SVOPL: variants seen among roughly 807,000 people sequenced by gnomAD.
SVOPL encodes SVOP like.
A neutral mutation model predicts 61.0 loss-of-function variants in SVOPL; 60 were observed. The observed-to-expected ratio is 0.98, with a 90% CI of 0.80 to 1.22. The LOEUF is 1.22. Ranked by LOEUF, SVOPL falls within the 50% of genes most tolerant of loss-of-function variation. The pLI is 0.00. For synonymous variants in SVOPL, 279 were observed against 250.0 expected, an observed-to-expected ratio of 1.12 and a Z score of -1.09; for missense variants, 662 against 643.9, an observed-to-expected ratio of 1.03 and a Z score of -0.30.
chr7:138,664,157 GGTGCCCCCTTCTT>G lies in SVOPL; in HGVS notation c.274-1025_274-1013del, dbSNP rs567205218. On this transcript the variant is annotated intron_variant, in intron 4 of 15. Coordinates refer to ENST00000674285, the MANE Select transcript of SVOPL (RefSeq NM_001139456.2). ...TCACTCGCCCCCAACGATCCTCAGT[GGTGCCCCCTTCTT>G]GTGCACCCTACCCTGCCCTCCCCCT... The G allele has an allele frequency of 7.1e-4, 670 of 946,498 alleles. 1 individual carries two copies. The African/African-American group carries it at 0.011, about 16-fold the overall frequency. The allele number at this position is 946,498 out of a possible 1,614,324, so 58.6% of individuals were successfully genotyped here. A position where few individuals can be genotyped will look rare whatever the true frequency, so the allele number is the denominator to read the frequency against.
chr7:138,648,880 C>A, intron 8 of SVOPL, 132 bp downstream of exon 8: 1 of 1,379,472 alleles, frequency 7.2e-7, no homozygotes, highest in South Asian at 1.5e-5. Context: ...CGAGATTGCA[C>A]CTCTGCACTG....
intron 14 of SVOPL, among the ~76,000 whole-genome samples, chr7:138,599,167 A>AAAAAAAAAAAAAAAAAAAAAAAAAAC (rs58372563): frequency 3.3e-5 from 4 of 121,822 alleles, no homozygotes; most frequent in Middle Eastern, 5.6e-3. Context: ...ACCAAAAAAA[A>AAAAAAAAAAAAAAAAAAAAAAAAAAC]AAGAAATACA....
At chr7:138,683,627 C>T (rs1047054106) in intron 1 of SVOPL, among the ~76,000 whole-genome samples, 4 of 152,006 alleles carry the variant, frequency 2.6e-5, no homozygotes, top group African/African-American at 9.7e-5. Context: ...CCTTGGCCTC[C>T]CAAAGTGCTA....
chr7:138,680,350 T>C (rs578149187), intron 1 of SVOPL, among the ~76,000 whole-genome samples: 1 of 152,250 alleles, frequency 6.6e-6, no homozygotes, highest in African/African-American at 2.4e-5. Flanking sequence ...GGTTTTGCCA[T>C]GTTGGCCAGG....
chr7:138,672,513 G>A (rs537618909), intron 3 of SVOPL, among the ~76,000 whole-genome samples: 53 of 152,132 alleles, frequency 3.5e-4, no homozygotes, highest in Non-Finnish European at 6.8e-4. Flanking sequence ...TATGAAGGTT[G>A]CAGAGCACAC....
At chr7:138,628,607 T>C (rs1457792621) in intron 10 of SVOPL, among the ~76,000 whole-genome samples, 2 of 152,176 alleles carry the variant, frequency 1.3e-5, no homozygotes, top group Non-Finnish European at 2.9e-5. Context: ...TTTCCAGCTG[T>C]GATAGATACC....
chr7:138,611,890 A>C (rs1258592353), intron 14 of SVOPL, among the ~76,000 whole-genome samples: 12 of 72,836 alleles, frequency 1.6e-4, no homozygotes, highest in South Asian at 6.0e-4. Flanking sequence ...CCCGTCTGGG[A>C]GGTGTGCCCA....
chr7:138,634,308 C>T (rs946484283), intron 9 of SVOPL, among the ~76,000 whole-genome samples: 2 of 151,828 alleles, frequency 1.3e-5, no homozygotes, highest in Non-Finnish European at 2.9e-5. Context: ...GGATTTGAGA[C>T]CAGCCTGAGC....
chr7:138,670,907 A>G (rs1195348948), intron 4 of SVOPL, among the ~76,000 whole-genome samples: 3 of 152,132 alleles, frequency 2.0e-5, no homozygotes, highest in Non-Finnish European at 4.4e-5. Flanking sequence ...CTAATATATC[A>G]GGAGCCTCTT....
rs1799536865 is a variant in SVOPL at position 138,620,964 on chromosome 7, C to G, written c.1353+82G>C. On this transcript the variant is annotated intron_variant, in intron 14 of 15. Coordinates refer to ENST00000674285, the MANE Select transcript of SVOPL (RefSeq NM_001139456.2). The stretch of plus-strand genomic sequence containing the variant: ...ATGAAGTCAACAGAAATCCTCCGTT[C>G]TGCCTTTAATCTGAAGGTCCCTGGG... 9 of 1,257,614 alleles carry G rather than the reference C, an allele frequency of 7.2e-6. No homozygotes were observed. In the Middle Eastern group the frequency reaches 7.3e-4, roughly 103 times the overall value. The allele number at this position is 1,257,614 out of a possible 1,614,324, so 77.9% of individuals were successfully genotyped here.
At chr7:138,597,219 G>A in intron 14 of SVOPL, 1 of 1,289,416 alleles carries the variant, frequency 7.8e-7, no homozygotes, top group Non-Finnish European at 1.0e-6. Context: ...CGACAGTAAA[G>A]TATGAAGTGG....
chr7:138,667,163 A>C (rs1346943652), intron 4 of SVOPL, among the ~76,000 whole-genome samples: 1 of 152,230 alleles, frequency 6.6e-6, no homozygotes, highest in South Asian at 2.1e-4. Flanking sequence ...TCCTAAACTC[A>C]TTACACCAAA....
rs757320728 is a variant in SVOPL, at chr7:138,649,054, G to A, written c.618C>T (p.Arg206=). 4.3e-6 allele frequency: 7 copies of A among 1,613,868 alleles called. No homozygotes were observed. Among genetic ancestry groups the A allele is most frequent in the East Asian group, 2.2e-5 (1 of 44,840 alleles). ...GGATGATGCCCGGGATGGAGGCGAC[G>A]CGAATGAGCCAGCGCCACCCGATGG... ...IPTIGWRWLI[R]VASIPGIILI... Residue 206 remains arginine, a synonymous_variant, in exon 8 of 16, where the codon CGC becomes CGT. Coordinates refer to ENST00000674285, the MANE Select transcript of SVOPL (RefSeq NM_001139456.2).
chr7:138,667,148 G>A (rs2045395), intron 4 of SVOPL, among the ~76,000 whole-genome samples: 5 of 152,040 alleles, frequency 3.3e-5, no homozygotes, highest in African/African-American at 4.8e-5. Flanking sequence ...AAAACATCTC[G>A]GGACTCCTAA....
rs142094806 is a variant in SVOPL, at chr7:138,659,970, G to A, written c.364C>T (p.Leu122=). 2 of 1,551,492 alleles carry A rather than the reference G, an allele frequency of 1.3e-6. No individual in the cohort carries two copies. Among genetic ancestry groups the A allele is most frequent in the Non-Finnish European group, 1.7e-6 (2 of 1,146,934 alleles). The change falls in exon 6 of 16, where the codon CTG becomes TTG. Residue 122 remains leucine (L), a synonymous_variant. Coordinates refer to ENST00000674285, the MANE Select transcript of SVOPL (RefSeq NM_001139456.2). ...AGCAAGGAGAAATAGGCTCCCCACA[G>A]GAACGAGATGAGCAGAATCTGAAGC... The part of the protein sequence containing the change: ...GRWKILLISF[L]WGAYFSLLTS...
At chr7:138,666,202 T>A (rs1336222181) in intron 4 of SVOPL, among the ~76,000 whole-genome samples, 1 of 152,246 alleles carries the variant, frequency 6.6e-6, no homozygotes, top group African/African-American at 2.4e-5. Flanking sequence ...GATACACCTA[T>A]GGCCCGGCCA....
At chr7:138,673,474 T>C (rs768858301) in intron 3 of SVOPL, among the ~76,000 whole-genome samples, 1 of 151,994 alleles carries the variant, frequency 6.6e-6, no homozygotes, top group African/African-American at 2.4e-5. Flanking sequence ...CTGGCCAACA[T>C]GGCAAAACCC....
chr7:138,597,021 C>A (rs1010241374), intron 14 of SVOPL: 2 of 1,150,024 alleles, frequency 1.7e-6, no homozygotes, highest in East Asian at 1.3e-4. Context: ...GTCTTGTCTC[C>A]GGTTATGGAG....
At chr7:138,611,349 G>A (rs948480979) in intron 14 of SVOPL, among the ~76,000 whole-genome samples, 3 of 152,138 alleles carry the variant, frequency 2.0e-5, no homozygotes, top group African/African-American at 7.2e-5. Context: ...TTGCACTCCA[G>A]CCTAGGCGAC....
Sources: allele counts gnomAD v4.1 joint callset (sites outside exome capture counted in the v4.1 genomes callset), GRCh38; gene constraint gnomAD v4.1.1; transcripts MANE v1.5; gene names NCBI Gene and HGNC (gene_info 2026-07-23, HGNC 2026-07-21).